KCNQ5: variants seen among roughly 807,000 people sequenced by gnomAD.
The protein encoded by KCNQ5 is potassium voltage-gated channel subfamily Q member 5, also known as potassium voltage-gated channel subfamily KQT member 5.
A neutral mutation model predicts 98.2 loss-of-function variants in KCNQ5; 30 were observed. The ratio of observed to expected loss-of-function variants is 0.31; its 90% CI spans 0.23 to 0.41. The LOEUF (loss-of-function observed/expected upper bound fraction) is 0.41. Ranked by LOEUF, KCNQ5 falls within the 10% of genes least tolerant of loss-of-function variation. The pLI is 1.00. For synonymous variants in KCNQ5, 458 were observed against 449.4 expected (o/e 1.02, Z -0.24); for missense variants, 835 against 1,182.5 (o/e 0.71, Z 4.31).
At chr6:72,954,448 G>A (rs1766948925) in intron 1 of KCNQ5, among the ~76,000 whole-genome samples, 1 of 152,136 alleles carries the variant, frequency 6.6e-6, no homozygotes, top group Middle Eastern at 3.4e-3. Flanking sequence ...CTTAAGGAAG[G>A]GTTGTTAATA....
intron 10 of KCNQ5, chr6:73,158,149 G>A (rs1211759947): frequency 2.7e-6 from 1 of 375,792 alleles, no homozygotes; most frequent in Non-Finnish European, 5.1e-6. Context: ...TGGTGCGGGG[G>A]AGGGGGCGGG....
intron 1 of KCNQ5, among the ~76,000 whole-genome samples, chr6:72,964,948 A>C (rs1478258306): frequency 6.6e-6 from 1 of 152,162 alleles, no homozygotes; most frequent in Non-Finnish European, 1.5e-5. Flanking sequence ...TTTTTAAAAA[A>C]AAATTCTTTT....
intron 6 of KCNQ5, among the ~76,000 whole-genome samples, chr6:73,109,864 C>T (rs1415530025): frequency 2.0e-5 from 3 of 152,148 alleles, no homozygotes; most frequent in African/African-American, 7.2e-5. Flanking sequence ...TCACGAATAG[C>T]AAATAGTATT....
chr6:72,773,023 A>G (rs1399150997), intron 1 of KCNQ5, among the ~76,000 whole-genome samples: 3 of 152,182 alleles, frequency 2.0e-5, no homozygotes, highest in African/African-American at 4.8e-5. Flanking sequence ...TTAGCTTATC[A>G]GTGTTGCCCC....
chr6:72,772,321 C>G (rs985476940), intron 1 of KCNQ5, among the ~76,000 whole-genome samples: 2 of 152,050 alleles, frequency 1.3e-5, no homozygotes, highest in African/African-American at 4.8e-5. Context: ...TATTTTATGA[C>G]AAAGTGCCAT....
intron 7 of KCNQ5, among the ~76,000 whole-genome samples, chr6:73,118,372 A>G (rs1353272990): frequency 2.0e-5 from 3 of 152,214 alleles, no homozygotes; most frequent in African/African-American, 2.4e-5. Context: ...GTATTGTACT[A>G]TGTAAATGGT....
At chr6:72,979,216 G>A (rs1301143233) in intron 1 of KCNQ5, among the ~76,000 whole-genome samples, 1 of 152,128 alleles carries the variant, frequency 6.6e-6, no homozygotes, top group African/African-American at 2.4e-5. Context: ...TGGGTGAAAT[G>A]GTATTTCTAG....
rs963735270 is a variant in KCNQ5, at chr6:72,910,563, GGTGTGTGT to G, written c.399-93309_399-93302del. On this transcript the variant is annotated intron_variant, in intron 1 of 13. Transcript: ENST00000370398. ...CTCTTATAGAATGGAAAGGTAGGGG[GGTGTGTGT>G]GTGTGTGTGTGTGTGTGTGTGTGTG... Among the ~76,000 whole-genome samples the G allele has an allele frequency of 2.8e-4, 12 of 43,078 alleles. No individual in the cohort carries two copies. The South Asian group carries it at 3.6e-3, about 13-fold the overall frequency. The allele number at this position is 43,078 out of a possible 152,430, so 28.3% of individuals were successfully genotyped here.
At chr6:72,686,427 T>A (rs1767952716) in intron 1 of KCNQ5, among the ~76,000 whole-genome samples, 1 of 152,216 alleles carries the variant, frequency 6.6e-6, no homozygotes, top group Admixed American at 6.5e-5. Context: ...TGTTCATCAT[T>A]TAGCACTTTA....
In KCNQ5 at chr6:72,622,445, C is replaced by G; in HGVS notation, c.256C>G (p.Arg86Gly). 6.4e-7 allele frequency: 1 copy of G among 1,573,442 alleles called. No individual in the cohort carries two copies. The highest frequency in any genetic ancestry group is 8.6e-7 in the Non-Finnish European group (1 of 1,160,422). ...RESRRGKQGA[R>G]MSLLGKPLSY... Reference sequence around the variant, plus strand: ...GAGCCGCCGGGGCAAGCAGGGGGCCCGGATGAGCCTGCTGGGGAAGCCGCT... The same window carrying G: ...GAGCCGCCGGGGCAAGCAGGGGGCCGGGATGAGCCTGCTGGGGAAGCCGCT... Residue 86 changes from arginine to glycine, a missense_variant, in exon 1 of 14, where the codon CGG becomes GGG. By Grantham distance (125) the Arg-to-Gly change is moderately radical (BLOSUM62 -2). This residue lies in a region of KCNQ5 where 54 missense variants were observed against 51.5 expected (regional missense o/e 1.05). Coordinates refer to ENST00000370398, the MANE Select transcript of KCNQ5 (RefSeq NM_019842.4). This position sits in a 1 kb window ranked among gnomAD's most constrained non-coding sequence, Gnocchi z 6.0.
At chr6:72,772,593 A>C (rs1416051728) in intron 1 of KCNQ5, among the ~76,000 whole-genome samples, 1 of 152,096 alleles carries the variant, frequency 6.6e-6, no homozygotes, top group Non-Finnish European at 1.5e-5. Flanking sequence ...GGGTTGTTCT[A>C]ATGAGAGAAT....
chr6:72,806,522 A>C (rs918316253), intron 1 of KCNQ5, among the ~76,000 whole-genome samples: 2 of 152,200 alleles, frequency 1.3e-5, no homozygotes, highest in Non-Finnish European at 2.9e-5. Flanking sequence ...TTAAGGATCA[A>C]ACCTGAAGAG....
intron 2 of KCNQ5, among the ~76,000 whole-genome samples, chr6:73,020,183 G>A (rs1358409425): frequency 2.0e-5 from 3 of 151,974 alleles, no homozygotes; most frequent in Non-Finnish European, 2.9e-5. Context: ...AGATCTTGTG[G>A]CTCAGTCCCA....
intron 1 of KCNQ5, among the ~76,000 whole-genome samples, chr6:72,780,907 A>G (rs1236535458): frequency 1.3e-5 from 2 of 152,116 alleles, no homozygotes; most frequent in Non-Finnish European, 2.9e-5. Context: ...AAAAGAAAGA[A>G]TGAGCCCCAG....
intron 5 of KCNQ5, among the ~76,000 whole-genome samples, chr6:73,079,225 C>T (rs1773662571): frequency 1.3e-5 from 2 of 152,188 alleles, no homozygotes; most frequent in African/African-American, 4.8e-5. Context: ...TCACTTAAGC[C>T]TGGCAGGTAG....
intron 10 of KCNQ5, among the ~76,000 whole-genome samples, chr6:73,161,657 G>A (rs529671264): frequency 1.8e-4 from 28 of 152,168 alleles, no homozygotes; most frequent in African/African-American, 4.8e-4. Flanking sequence ...AATCTAATCC[G>A]TAAAAGAAGG....
At chr6:72,947,594 T>C (rs192590438) in intron 1 of KCNQ5, among the ~76,000 whole-genome samples, 12 of 152,268 alleles carry the variant, frequency 7.9e-5, no homozygotes, top group Non-Finnish European at 1.8e-4. Flanking sequence ...TCAATTCTGA[T>C]AGATATAATT....
At chr6:73,085,754 AAC>A in intron 5 of KCNQ5, among the ~76,000 whole-genome samples, 1 of 152,204 alleles carries the variant, frequency 6.6e-6, no homozygotes, top group Non-Finnish European at 1.5e-5. Flanking sequence ...CTCAGGATGA[AAC>A]ACTGAGCACA....
chr6:73,055,607 C>A (rs1772448568), intron 3 of KCNQ5: 2 of 1,301,350 alleles, frequency 1.5e-6, no homozygotes, highest in South Asian at 1.2e-5. Context: ...AGTATTTCCC[C>A]AGATCAAGGA....
Sources: allele counts gnomAD v4.1 joint callset (sites outside exome capture counted in the v4.1 genomes callset), GRCh38; gene constraint gnomAD v4.1.1; regional missense constraint gnomAD v4.1.1; non-coding constraint Gnocchi (gnomAD v3.1); transcripts MANE v1.5; gene names NCBI Gene and HGNC (gene_info 2026-07-23, HGNC 2026-07-21).